CALN1: variants seen among roughly 807,000 people sequenced by gnomAD.
The protein encoded by CALN1 is calneuron 1, also known as calcium-binding protein 8.
A neutral mutation model predicts 30.6 loss-of-function variants in CALN1; 17 were observed. The ratio of observed to expected loss-of-function variants is 0.56; its 90% CI spans 0.38 to 0.83. CALN1 has a LOEUF of 0.83. Ranked by LOEUF, CALN1 falls within the 40% of genes least tolerant of loss-of-function variation. CALN1 has a pLI of 0.00. For missense variants in CALN1, 291 were observed against 354.9 expected, an observed-to-expected ratio of 0.82 and a Z score of 1.45; for synonymous variants, 156 against 131.4, an observed-to-expected ratio of 1.19 and a Z score of -1.28.
intron 5 of CALN1, among the ~76,000 whole-genome samples, chr7:71,935,071 A>T (rs1333606703): frequency 1.3e-5 from 2 of 152,220 alleles, no homozygotes; most frequent in Admixed American, 6.5e-5. Flanking sequence ...AAACCATATC[A>T]GGGTCACCTT....
chr7:71,941,413 G>A (rs1584564132), intron 5 of CALN1, among the ~76,000 whole-genome samples: 1 of 151,960 alleles, frequency 6.6e-6, no homozygotes, highest in Non-Finnish European at 1.5e-5. Flanking sequence ...CTGACGGGGG[G>A]AAGACTGAGA....
intron 4 of CALN1, among the ~76,000 whole-genome samples, chr7:72,053,575 T>C (rs897619473): frequency 1.3e-5 from 2 of 150,288 alleles, no homozygotes; most frequent in African/African-American, 4.9e-5. Flanking sequence ...GCATGTGTCA[T>C]TTTTTTTTTA....
chr7:72,391,162 C>G (rs1365538386), intron 2 of CALN1, among the ~76,000 whole-genome samples: 1 of 152,108 alleles, frequency 6.6e-6, no homozygotes, highest in African/African-American at 2.4e-5. Flanking sequence ...ACCTCCCAAC[C>G]GCAGAGGCTG....
intron 3 of CALN1, among the ~76,000 whole-genome samples, chr7:72,269,832 A>T (rs984281988): frequency 3.9e-5 from 6 of 152,234 alleles, no homozygotes; most frequent in Admixed American, 2.0e-4. Flanking sequence ...CAGTCTTTTT[A>T]AAAAGTCCAT....
the CALN1 span, among the ~76,000 whole-genome samples, chr7:72,490,568 G>T: frequency 6.6e-6 from 1 of 152,168 alleles, no homozygotes; most frequent in Non-Finnish European, 1.5e-5. Flanking sequence ...TTGAATTGTG[G>T]TCTTCAGCGT....
intron 3 of CALN1, among the ~76,000 whole-genome samples, chr7:72,244,152 TAA>T (rs1197747039): frequency 6.6e-6 from 1 of 152,218 alleles, no homozygotes; most frequent in African/African-American, 2.4e-5. Flanking sequence ...GAAAAGAACC[TAA>T]AGTTACGTTT....
At chr7:72,442,774 A>G (rs536407534) in intron 1 of CALN1, among the ~76,000 whole-genome samples, 1 of 152,154 alleles carries the variant, frequency 6.6e-6, no homozygotes, top group Non-Finnish European at 1.5e-5. Context: ...GCACTTATTT[A>G]GGATTGCACT....
At chr7:72,318,159 G>A (rs1001159871) in intron 2 of CALN1, among the ~76,000 whole-genome samples, 1 of 152,128 alleles carries the variant, frequency 6.6e-6, no homozygotes, top group Non-Finnish European at 1.5e-5. Flanking sequence ...GAATTATTTG[G>A]TTTCAATGCA....
At chr7:72,037,211 C>T (rs972277411) in intron 4 of CALN1, among the ~76,000 whole-genome samples, 5 of 152,006 alleles carry the variant, frequency 3.3e-5, no homozygotes, top group Admixed American at 6.6e-5. Flanking sequence ...AGTGCAATGG[C>T]GCAATCTCGG....
chr7:72,067,879 G>C (rs1329150644), intron 4 of CALN1, among the ~76,000 whole-genome samples: 1 of 152,156 alleles, frequency 6.6e-6, no homozygotes, highest in East Asian at 1.9e-4. Context: ...TCACAGGCAA[G>C]GAAAGTCAGC....
At chr7:71,959,802 A>G (rs1263875800) in intron 5 of CALN1, among the ~76,000 whole-genome samples, 1 of 152,122 alleles carries the variant, frequency 6.6e-6, no homozygotes, top group Non-Finnish European at 1.5e-5. Context: ...TGGGCAAACC[A>G]AATGTGATGT....
intron 2 of CALN1, among the ~76,000 whole-genome samples, chr7:72,352,674 G>C (rs982182169): frequency 6.6e-6 from 1 of 152,100 alleles, no homozygotes; most frequent in African/African-American, 2.4e-5. Context: ...AGCTTAAAAT[G>C]TTTACTTTAC....
At chr7:72,309,044 C>G (rs1799858569) in intron 2 of CALN1, among the ~76,000 whole-genome samples, 1 of 152,112 alleles carries the variant, frequency 6.6e-6, no homozygotes, top group Non-Finnish European at 1.5e-5. Flanking sequence ...GGAGCACAGG[C>G]CAATTAAATA....
At chr7:71,913,881 T>G (rs1794555234) in intron 5 of CALN1, 1 of 152,212 alleles carries the variant, frequency 6.6e-6, no homozygotes, top group Admixed American at 6.5e-5. Context: ...TAATACACAT[T>G]ATCCATTCGA....
chr7:72,215,577 G>C (rs1489574503), intron 3 of CALN1, among the ~76,000 whole-genome samples: 1 of 132,752 alleles, frequency 7.5e-6, no homozygotes, highest in Non-Finnish European at 1.5e-5. Context: ...TGGGTGACAA[G>C]AGCGAAACTC....
At chr7:72,114,267 G>A (rs1807794169) in intron 3 of CALN1, among the ~76,000 whole-genome samples, 1 of 74,270 alleles carries the variant, frequency 1.3e-5, no homozygotes, top group Non-Finnish European at 2.6e-5. Flanking sequence ...GGGAAGGGAA[G>A]GGAAGGGAAG....
chr7:72,002,911 G>T (rs1422892092), intron 5 of CALN1, among the ~76,000 whole-genome samples: 1 of 152,114 alleles, frequency 6.6e-6, no homozygotes, highest in East Asian at 1.9e-4. Flanking sequence ...TGTGAGGTGG[G>T]GAGATATTGA....
intron 2 of CALN1, among the ~76,000 whole-genome samples, chr7:72,300,852 G>C (rs2129555616): frequency 6.6e-6 from 1 of 152,166 alleles, no homozygotes; most frequent in African/African-American, 2.4e-5. Flanking sequence ...AATTAGCTGG[G>C]CATGGTGGCA....
At chr7:71,916,211 G>A (rs1261538257) in intron 5 of CALN1, among the ~76,000 whole-genome samples, 1 of 147,770 alleles carries the variant, frequency 6.8e-6, no homozygotes, top group Non-Finnish European at 1.5e-5. Context: ...AAGAGGATCT[G>A]AGTATATACT....
Sources: gnomAD v4.1 joint callset for allele counts (sites outside exome capture counted in the v4.1 genomes callset) on GRCh38, gnomAD v4.1.1 for gene constraint, MANE v1.5 for transcripts, NCBI Gene and HGNC (gene_info 2026-07-23, HGNC 2026-07-21) for gene names.